MYLK: variants seen among roughly 807,000 people sequenced by gnomAD.
MYLK encodes myosin light chain kinase, smooth muscle.
MYLK carries 106 observed loss-of-function variants against 203.4 expected under a neutral mutation model. That is an observed-to-expected ratio of 0.52 (90% CI 0.45 to 0.61). MYLK has a LOEUF of 0.61. MYLK is among the 20% of genes least tolerant of loss of function. The probability of loss-of-function intolerance (pLI) is 0.00; values close to 1 mark genes in which losing one functional copy is unlikely to be tolerated. For synonymous variants in MYLK, 867 were observed against 959.5 expected, an observed-to-expected ratio of 0.90 and a Z score of 1.78; for missense variants, 2,072 against 2,442.3, an observed-to-expected ratio of 0.85 and a Z score of 3.20.
intron 13 of MYLK, among the ~76,000 whole-genome samples, chr3:123,717,983 T>G (rs1455298682): frequency 6.6e-6 from 1 of 151,598 alleles, no homozygotes; most frequent in Non-Finnish European, 1.5e-5. Context: ...TGCCTCAGCC[T>G]CCTGAGTAGC....
intron 2 of MYLK, among the ~76,000 whole-genome samples, chr3:123,849,976 G>T (rs1031723416): frequency 6.6e-6 from 1 of 152,146 alleles, no homozygotes; most frequent in East Asian, 1.9e-4. Flanking sequence ...TCCCACCTAT[G>T]AGCGAGAATA....
intron 4 of MYLK, among the ~76,000 whole-genome samples, chr3:123,775,030 T>C (rs1460890969): frequency 7.0e-6 from 1 of 143,702 alleles, no homozygotes; most frequent in East Asian, 2.0e-4. Context: ...ACATGGTAAA[T>C]TTTTTTTTTT....
At chr3:123,731,924 T>A (rs2062490010) in intron 11 of MYLK, among the ~76,000 whole-genome samples, 1 of 152,112 alleles carries the variant, frequency 6.6e-6, no homozygotes, top group Non-Finnish European at 1.5e-5. Context: ...GGCAGAAGAT[T>A]ATCAAAAATT....
rs562450505 is a variant in MYLK, at chr3:123,832,424, A to C, written c.-126-754T>G. Among the ~76,000 whole-genome samples the C allele has an allele frequency of 3.7e-4, 56 of 152,356 alleles. No individual in the cohort carries two copies. The Middle Eastern group carries it at 0.01, about 28-fold the overall frequency. On this transcript the variant is annotated intron_variant, in intron 2 of 33. Transcript: ENST00000360304. ...AATAACTTATTTCAGAGCCCTCCATAAGCTACCCATCCAGATGGTGTGTTA... is the reference window on the plus strand; with the variant it reads ...AATAACTTATTTCAGAGCCCTCCATCAGCTACCCATCCAGATGGTGTGTTA...
At position 123,629,726 on chromosome 3, in the gene MYLK, CA is replaced by C; in HGVS notation, c.4962-101del. 7.9e-7 allele frequency: 1 copy of C among 1,258,680 alleles called. No homozygotes were observed. The highest frequency in any genetic ancestry group is 1.5e-5 in the African/African-American group (1 of 67,912). The allele number at this position is 1,258,680 out of a possible 1,614,324, so 78.0% of individuals were successfully genotyped here. ...AAAGGCGAGGGTCGGCCAGCCTCCC[CA>C]CCCCCAAACTCATGCTCTGTGGGCC... On this transcript the variant is annotated intron_variant, in intron 29 of 33. Coordinates refer to ENST00000360304, the MANE Select transcript of MYLK (RefSeq NM_053025.4). This position sits in a 1 kb window ranked among gnomAD's most constrained non-coding sequence, Gnocchi z 4.4.
intron 2 of MYLK, among the ~76,000 whole-genome samples, chr3:123,875,935 T>C (rs1464624063): frequency 6.6e-6 from 1 of 152,186 alleles, no homozygotes; most frequent in African/African-American, 2.4e-5. Context: ...ATATCTAACT[T>C]TTAGCAATAT....
chr3:123,706,928 C>T (rs1292704621), intron 16 of MYLK, among the ~76,000 whole-genome samples: 1 of 152,188 alleles, frequency 6.6e-6, no homozygotes, highest in Admixed American at 6.5e-5. Flanking sequence ...TTCTTCTCTC[C>T]AAGAGGTGGA....
At chr3:123,668,798 T>C (rs1352447817) in intron 20 of MYLK, among the ~76,000 whole-genome samples, 1 of 152,166 alleles carries the variant, frequency 6.6e-6, no homozygotes, top group Non-Finnish European at 1.5e-5. Flanking sequence ...CCCATAGCAC[T>C]TATCACCATG....
rs1473379295 is a variant in MYLK at position 123,642,068 on chromosome 3, C to T, written c.4620-1564G>A. On this transcript the variant is annotated intron_variant, in intron 27 of 33. Coordinates refer to ENST00000360304, the MANE Select transcript of MYLK (RefSeq NM_053025.4). The surrounding 1 kb of genome is among the most constrained non-coding windows in gnomAD (Gnocchi z 4.2). ...ACAGGGTCTCTCTCTGTCACCCAGT[C>T]ATAAGCTCATGTTTCTGCAGTGGCC... Among the ~76,000 whole-genome samples, 1 of 152,006 alleles carries T rather than the reference C, an allele frequency of 6.6e-6. No homozygotes were observed. The highest frequency in any genetic ancestry group is 2.4e-5 in the African/African-American group (1 of 41,378).
At chr3:123,842,084 T>C (rs1174718259) in intron 2 of MYLK, among the ~76,000 whole-genome samples, 1 of 152,086 alleles carries the variant, frequency 6.6e-6, no homozygotes, top group Non-Finnish European at 1.5e-5. Flanking sequence ...AATATTATTA[T>C]ACAATATTAT....
At chr3:123,779,435 CCT>C (rs2064207007) in intron 4 of MYLK, among the ~76,000 whole-genome samples, 1 of 152,206 alleles carries the variant, frequency 6.6e-6, no homozygotes, top group Non-Finnish European at 1.5e-5. Context: ...TTTTCACTCC[CCT>C]GTCAGGCTTC....
At chr3:123,770,542 A>T (rs2063844724) in intron 4 of MYLK, among the ~76,000 whole-genome samples, 2 of 152,198 alleles carry the variant, frequency 1.3e-5, no homozygotes, top group Non-Finnish European at 2.9e-5. Context: ...CATGGGCATC[A>T]CTGACAGACT....
intron 2 of MYLK, among the ~76,000 whole-genome samples, chr3:123,863,391 A>G (rs1344308981): frequency 1.3e-5 from 2 of 150,800 alleles, no homozygotes; most frequent in African/African-American, 2.4e-5. Context: ...AAAAAAAGGT[A>G]AAACTTCTGC....
At chr3:123,854,981 T>C (rs1239249535) in intron 2 of MYLK, among the ~76,000 whole-genome samples, 3 of 152,192 alleles carry the variant, frequency 2.0e-5, no homozygotes, top group African/African-American at 7.2e-5. Context: ...ACATAACTTG[T>C]ATTTTTATTT....
At chr3:123,865,960 G>A (rs2032300521) in intron 2 of MYLK, among the ~76,000 whole-genome samples, 1 of 152,156 alleles carries the variant, frequency 6.6e-6, no homozygotes, top group Admixed American at 6.5e-5. Context: ...CAAGCCACAT[G>A]GAGAGGCCAT....
At chr3:123,871,098 G>A (rs544692875) in intron 2 of MYLK, among the ~76,000 whole-genome samples, 53 of 152,016 alleles carry the variant, frequency 3.5e-4, no homozygotes, top group South Asian at 1.0e-3. Context: ...GAAGCCTCAG[G>A]GCTCCCTGCT....
chr3:123,788,094 G>A (rs751934833), intron 4 of MYLK, among the ~76,000 whole-genome samples: 1 of 152,172 alleles, frequency 6.6e-6, no homozygotes, highest in Non-Finnish European at 1.5e-5. Flanking sequence ...AGGTGGCACC[G>A]TCAGATCCAC....
At chr3:123,842,002 C>T (rs2066602777) in intron 2 of MYLK, among the ~76,000 whole-genome samples, 1 of 152,076 alleles carries the variant, frequency 6.6e-6, no homozygotes, top group African/African-American at 2.4e-5. Flanking sequence ...ACTCATGTCT[C>T]TCCAACTCTA....
At chr3:123,818,778 A>T (rs148465842) in intron 3 of MYLK, among the ~76,000 whole-genome samples, 1 of 152,348 alleles carries the variant, frequency 6.6e-6, no homozygotes, top group African/African-American at 2.4e-5. Flanking sequence ...ACTGTGCCTT[A>T]GTTTCCTCAG....
Sources: gnomAD v4.1 joint callset for allele counts (sites outside exome capture counted in the v4.1 genomes callset) on GRCh38, gnomAD v4.1.1 for gene constraint, Gnocchi (gnomAD v3.1) non-coding constraint, MANE v1.5 for transcripts, NCBI Gene and HGNC (gene_info 2026-07-23, HGNC 2026-07-21) for gene names.